ZNF704: variants seen among roughly 807,000 people sequenced by gnomAD.
ZNF704 encodes zinc finger protein 704.
Under a neutral mutation model 44.7 loss-of-function variants are expected in ZNF704, and 10 were observed. The observed-to-expected ratio is 0.22, with a 90% CI of 0.14 to 0.38. The LOEUF is 0.38. Ranked by LOEUF, ZNF704 falls within the 10% of genes least tolerant of loss-of-function variation. The pLI, the probability that ZNF704 is intolerant of heterozygous loss-of-function variation, is 1.00. For missense variants in ZNF704, 390 were observed against 545.5 expected, an observed-to-expected ratio of 0.71 and a Z score of 2.84; for synonymous variants, 211 against 207.6, an observed-to-expected ratio of 1.02 and a Z score of -0.14.
intron 2 of ZNF704, among the ~76,000 whole-genome samples, chr8:80,728,551 T>C (rs996200555): frequency 1.3e-5 from 2 of 152,220 alleles, no homozygotes; most frequent in Non-Finnish European, 2.9e-5. Flanking sequence ...TAAGGCAAAT[T>C]ACATGCCTCA....
intron 1 of ZNF704, among the ~76,000 whole-genome samples, chr8:80,835,267 T>C (rs1283071785): frequency 6.6e-6 from 1 of 152,220 alleles, no homozygotes; most frequent in Non-Finnish European, 1.5e-5. Flanking sequence ...TAAATTCACT[T>C]GTATATTTTT....
chr8:80,774,782 C>T (rs947488129), intron 2 of ZNF704, among the ~76,000 whole-genome samples: 31 of 152,132 alleles, frequency 2.0e-4, no homozygotes, highest in African/African-American at 6.0e-4. Flanking sequence ...AAAAGTTTTC[C>T]GTCTCGCTAG....
chr8:80,645,983 G>C (rs1817824357), intron 7 of ZNF704, among the ~76,000 whole-genome samples: 2 of 152,138 alleles, frequency 1.3e-5, no homozygotes, highest in Admixed American at 6.5e-5. Context: ...TGGGATTAGT[G>C]TTCTGCAAGG....
At chr8:80,790,198 T>C (rs1807680465) in intron 2 of ZNF704, among the ~76,000 whole-genome samples, 1 of 152,182 alleles carries the variant, frequency 6.6e-6, no homozygotes, top group African/African-American at 2.4e-5. Context: ...GAGTTTAAGT[T>C]TCAACTGTGC....
In ZNF704 at chr8:80,702,767, C is replaced by T. The variant is rs559711136; in HGVS notation, c.222-9660G>A. On this transcript the variant is annotated intron_variant, in intron 2 of 8. Transcript: ENST00000327835. ...TATGTAGAAAAATTCTGAGAGATGG[C>T]CGAGTCCAAGGTATGGCCGTGGGAG... Among the ~76,000 whole-genome samples the T allele has an allele frequency of 5.9e-5, 9 of 152,048 alleles. No homozygotes were observed. The East Asian group carries it at 1.7e-3, about 29-fold the overall frequency.
intron 3 of ZNF704, among the ~76,000 whole-genome samples, chr8:80,688,635 A>G (rs1177303335): frequency 1.1e-4 from 16 of 152,214 alleles, no homozygotes; most frequent in Admixed American, 9.8e-4. Flanking sequence ...CTGGGATAGG[A>G]TAAGAATTTA....
intron 4 of ZNF704, 72 bp from the exon 5 acceptor site, chr8:80,670,675 A>G (rs1184666547): frequency 4.4e-6 from 5 of 1,133,274 alleles, no homozygotes; most frequent in South Asian, 1.3e-5. Context: ...TCATCCCAAC[A>G]TATTTTTTTC....
At chr8:80,690,439 T>A (rs951519304) in intron 3 of ZNF704, among the ~76,000 whole-genome samples, 1 of 152,230 alleles carries the variant, frequency 6.6e-6, no homozygotes, top group Non-Finnish European at 1.5e-5. Context: ...TTTAAAATTT[T>A]TTATTTTTTA....
At chr8:80,655,615 G>T (rs1818002082) in intron 7 of ZNF704, among the ~76,000 whole-genome samples, 1 of 152,184 alleles carries the variant, frequency 6.6e-6, no homozygotes, top group South Asian at 2.1e-4. Flanking sequence ...TAGAGTAGAG[G>T]ATATTACTTT....
At chr8:80,688,329 C>T (rs1242068773) in intron 3 of ZNF704, among the ~76,000 whole-genome samples, 2 of 152,114 alleles carry the variant, frequency 1.3e-5, no homozygotes, top group Non-Finnish European at 1.5e-5. Flanking sequence ...TATCTAAAGC[C>T]CCTTTCCATT....
At chr8:80,673,678 C>A (rs1818316377) in intron 4 of ZNF704, among the ~76,000 whole-genome samples, 1 of 152,156 alleles carries the variant, frequency 6.6e-6, no homozygotes, top group Non-Finnish European at 1.5e-5. Flanking sequence ...ATCTGGACAG[C>A]CACCCCATGC....
At chr8:80,711,224 A>T (rs1818980777) in intron 2 of ZNF704, among the ~76,000 whole-genome samples, 1 of 152,216 alleles carries the variant, frequency 6.6e-6, no homozygotes, top group Non-Finnish European at 1.5e-5. Context: ...CAGACATCAG[A>T]GGCTCTAGCT....
chr8:80,812,356 GT>G, intron 2 of ZNF704: 1 of 185,106 alleles, frequency 5.4e-6, no homozygotes. Context: ...ATCTCTCCCA[GT>G]TTTTTCGCAA....
intron 1 of ZNF704, among the ~76,000 whole-genome samples, chr8:80,843,941 GTGTA>G (rs1808722442): frequency 1.4e-5 from 2 of 147,546 alleles, no homozygotes; most frequent in African/African-American, 2.5e-5. Flanking sequence ...ATATATATAT[GTGTA>G]TGTATATATA....
rs145424415 is a variant in ZNF704, at chr8:80,646,017, C to T, written c.1033-2888G>A. Among the ~76,000 whole-genome samples, 734 of 152,300 alleles carry T rather than the reference C, an allele frequency of 4.8e-3. 5 individuals are homozygous for T. The highest frequency in any genetic ancestry group is 0.017 in the African/African-American group (692 of 41,568). Reference sequence around the variant, plus strand: ...GGGCCAGTTTGGCCCCCCTCACCCTCTCACCTTCTGCCATGTGATGATGCA... The same window carrying T: ...GGGCCAGTTTGGCCCCCCTCACCCTTTCACCTTCTGCCATGTGATGATGCA... On this transcript the variant is annotated intron_variant, in intron 7 of 8. Transcript: ENST00000327835.
intron 2 of ZNF704, among the ~76,000 whole-genome samples, chr8:80,804,358 T>C (rs1807951267): frequency 6.6e-6 from 1 of 152,194 alleles, no homozygotes; most frequent in Admixed American, 6.5e-5. Context: ...TATTCTATTA[T>C]AAAGACACAT....
At chr8:80,782,654 A>C (rs1388138619) in intron 2 of ZNF704, among the ~76,000 whole-genome samples, 2 of 152,188 alleles carry the variant, frequency 1.3e-5, no homozygotes, top group Admixed American at 6.5e-5. Flanking sequence ...TAACCAGAAG[A>C]GGAGGACGAC....
intron 2 of ZNF704, among the ~76,000 whole-genome samples, chr8:80,763,181 G>C (rs1476244516): frequency 1.3e-5 from 2 of 152,186 alleles, no homozygotes; most frequent in African/African-American, 4.8e-5. Context: ...GGAGGAAAGT[G>C]GCTCTCTTCT....
chr8:80,837,816 C>T (rs1808607094), intron 1 of ZNF704, among the ~76,000 whole-genome samples: 1 of 152,262 alleles, frequency 6.6e-6, no homozygotes, highest in African/African-American at 2.4e-5. Context: ...GATGGTCTGC[C>T]CATTCTAATA....
Sources: gnomAD v4.1 joint callset for allele counts (sites outside exome capture counted in the v4.1 genomes callset) on GRCh38, gnomAD v4.1.1 for gene constraint, MANE v1.5 for transcripts, NCBI Gene and HGNC (gene_info 2026-07-23, HGNC 2026-07-21) for gene names.